Variants in GPM6A observed in about 807,000 individuals in gnomAD.
GPM6A encodes the protein glycoprotein M6A.
GPM6A carries 7 observed loss-of-function variants against 32.1 expected under a neutral mutation model. The ratio of observed to expected loss-of-function variants is 0.22; its 90% CI spans 0.12 to 0.41. The LOEUF (loss-of-function observed/expected upper bound fraction) is 0.41. GPM6A is among the 10% of genes least tolerant of loss of function. The probability of loss-of-function intolerance (pLI) is 1.00; values close to 1 mark genes in which losing one functional copy is unlikely to be tolerated. For missense variants in GPM6A, 235 were observed against 347.2 expected (o/e 0.68, Z 2.57); for synonymous variants, 130 against 123.4 (o/e 1.05, Z -0.35).
At chr4:175,780,031 T>C (rs975624850) in intron 1 of GPM6A, among the ~76,000 whole-genome samples, 5 of 151,986 alleles carry the variant, frequency 3.3e-5, no homozygotes, top group African/African-American at 1.2e-4. Flanking sequence ...ATTAGTATTT[T>C]AATTCATGTG....
upstream of GPM6A, among the ~76,000 whole-genome samples, chr4:175,815,718 C>CT (rs60711329): frequency 9.4e-3 from 1,196 of 127,064 alleles, 60 homozygotes; most frequent in African/African-American, 0.028. Context: ...TTTTTCTTTT[C>CT]TTTTTTTTTT....
At chr4:175,744,695 A>G (rs1019646633) in intron 1 of GPM6A, among the ~76,000 whole-genome samples, 1 of 152,152 alleles carries the variant, frequency 6.6e-6, no homozygotes, top group African/African-American at 2.4e-5. Flanking sequence ...AAAAGATTTT[A>G]GTTTGTCTCC....
chr4:175,957,183 G>C (rs566213631), intron 1 of GPM6A, among the ~76,000 whole-genome samples: 1 of 152,234 alleles, frequency 6.6e-6, no homozygotes, highest in South Asian at 2.1e-4. Context: ...ACATGAACAG[G>C]TGTGTTTTAC....
intron 6 of GPM6A, among the ~76,000 whole-genome samples, chr4:175,636,014 G>T (rs180906814): frequency 8.6e-5 from 13 of 151,932 alleles, no homozygotes; most frequent in Non-Finnish European, 1.6e-4. Flanking sequence ...AGAATGCAAT[G>T]TCAATTCTAA....
At chr4:175,739,219 T>C (rs1484674999) in intron 1 of GPM6A, among the ~76,000 whole-genome samples, 1 of 152,184 alleles carries the variant, frequency 6.6e-6, no homozygotes, top group Non-Finnish European at 1.5e-5. Flanking sequence ...TGTTATTCTA[T>C]TTACCCCATT....
At chr4:175,864,530 CT>C (rs1736672057) in intron 1 of GPM6A, among the ~76,000 whole-genome samples, 1 of 152,080 alleles carries the variant, frequency 6.6e-6, no homozygotes, top group African/African-American at 2.4e-5. Flanking sequence ...TGTAAGGGTT[CT>C]TCTACTATCC....
chr4:175,690,246 A>G (rs1744222660), intron 2 of GPM6A, among the ~76,000 whole-genome samples: 1 of 152,266 alleles, frequency 6.6e-6, no homozygotes, highest in African/African-American at 2.4e-5. Context: ...CATCTATGCT[A>G]GAAGTATAAT....
At chr4:175,693,932 G>T (rs1744430981) in intron 2 of GPM6A, among the ~76,000 whole-genome samples, 1 of 152,118 alleles carries the variant, frequency 6.6e-6, no homozygotes, top group Admixed American at 6.6e-5. Flanking sequence ...GTGAAAGTGA[G>T]TGAGTGAGTT....
chr4:175,682,293 G>A (rs764059023), intron 2 of GPM6A, among the ~76,000 whole-genome samples: 158 of 152,096 alleles, frequency 1.0e-3, no homozygotes, highest in Middle Eastern at 3.2e-3. Flanking sequence ...TCAGATGTGG[G>A]AAGAAATAAA....
chr4:175,666,594 C>G (rs1742766670), intron 3 of GPM6A, among the ~76,000 whole-genome samples: 1 of 152,126 alleles, frequency 6.6e-6, no homozygotes, highest in Non-Finnish European at 1.5e-5. Context: ...CTTTAAAAGA[C>G]CATTAATAGT....
chr4:175,759,193 T>C (rs990639309), intron 1 of GPM6A, among the ~76,000 whole-genome samples: 13 of 152,136 alleles, frequency 8.5e-5, no homozygotes, highest in African/African-American at 3.1e-4. Flanking sequence ...AGTTATTTGC[T>C]GTGTGTAGCT....
At chr4:175,699,586 T>C (rs890235793) in intron 2 of GPM6A, among the ~76,000 whole-genome samples, 1 of 152,202 alleles carries the variant, frequency 6.6e-6, no homozygotes, top group African/African-American at 2.4e-5. Flanking sequence ...ACTATATTTT[T>C]ATAATAATTT....
chr4:175,634,645 C>T lies in GPM6A; in HGVS notation c.*260G>A. 1 of 357,294 alleles carries T rather than the reference C, an allele frequency of 2.8e-6. No individual in the cohort carries two copies. Among genetic ancestry groups the T allele is most frequent in the African/African-American group, 2.1e-5 (1 of 47,492 alleles). The allele number at this position is 357,294 out of a possible 1,614,324, so 22.1% of individuals were successfully genotyped here. On this transcript the variant is annotated 3_prime_UTR_variant, in exon 7 of 7. Coordinates refer to ENST00000393658, the MANE Select transcript of GPM6A (RefSeq NM_201591.3). The stretch of plus-strand genomic sequence containing the variant: ...GACAATGTTAGTATCTTTGATTTTA[C>T]AGAACTAGTAAATGAGTTTGAGAAA...
intron 1 of GPM6A, among the ~76,000 whole-genome samples, chr4:175,747,254 G>GT (rs2111179608): frequency 8.1e-6 from 1 of 123,554 alleles, no homozygotes; most frequent in African/African-American, 3.3e-5. Flanking sequence ...TGGTGACAGA[G>GT]CAAGACTCCA....
At chr4:175,888,640 C>T (rs1737538185) in intron 1 of GPM6A, among the ~76,000 whole-genome samples, 1 of 152,064 alleles carries the variant, frequency 6.6e-6, no homozygotes, top group Admixed American at 6.5e-5. Context: ...CTAAAACAAT[C>T]TGTAAGACTT....
In GPM6A at chr4:175,953,984, C is replaced by A. The variant is rs940007490; in HGVS notation, c.-23+48325G>T. ...TTAACCCAGTTGGTTTAAAAAACAT[C>A]TTTTTTTTACAGTCCTGAGAAATGC... On this transcript the variant is annotated intron_variant, in intron 1 of 7. Coordinates refer to the GPM6A transcript ENST00000280187. Among the ~76,000 whole-genome samples, 5 of 152,078 alleles carry A rather than the reference C, an allele frequency of 3.3e-5. No homozygotes were observed. In the South Asian group the frequency reaches 1.0e-3, roughly 32 times the overall value.
chr4:176,000,838 A>G (rs1456559797), intron 1 of GPM6A, among the ~76,000 whole-genome samples: 1 of 152,330 alleles, frequency 6.6e-6, no homozygotes, highest in East Asian at 1.9e-4. Flanking sequence ...AATAAAAAAA[A>G]GAGCCTGAAA....
At chr4:175,985,730 A>G (rs1740953518) in intron 1 of GPM6A, among the ~76,000 whole-genome samples, 1 of 152,284 alleles carries the variant, frequency 6.6e-6, no homozygotes, top group East Asian at 1.9e-4. Flanking sequence ...TAACCATTCT[A>G]TTCTATTCCT....
chr4:175,689,672 G>T (rs535142120), intron 2 of GPM6A, among the ~76,000 whole-genome samples: 1 of 152,208 alleles, frequency 6.6e-6, no homozygotes, highest in Admixed American at 6.5e-5. Context: ...TACCTGTCTG[G>T]ATATTCTATC....
Sources: allele counts gnomAD v4.1 joint callset (sites outside exome capture counted in the v4.1 genomes callset), GRCh38; gene constraint gnomAD v4.1.1; transcripts MANE v1.5; gene names NCBI Gene and HGNC (gene_info 2026-07-23, HGNC 2026-07-21).